Variants in AK5 observed in about 807,000 individuals in gnomAD.
The protein encoded by AK5 is adenylate kinase isoenzyme 5.
Under a neutral mutation model 69.5 loss-of-function variants are expected in AK5, and 27 were observed. That is an observed-to-expected ratio of 0.39 (90% CI 0.29 to 0.54). AK5 has a LOEUF of 0.54. Among genes scored for constraint, AK5 ranks in the 20% least tolerant of loss-of-function variants. AK5 has a pLI of 0.71. For missense variants in AK5, 531 were observed against 700.4 expected, an observed-to-expected ratio of 0.76 and a Z score of 2.73; for synonymous variants, 260 against 244.4, an observed-to-expected ratio of 1.06 and a Z score of -0.60.
intron 5 of AK5, among the ~76,000 whole-genome samples, chr1:77,300,630 C>T (rs1029034632): frequency 1.3e-5 from 2 of 152,196 alleles, no homozygotes; most frequent in African/African-American, 4.8e-5. Context: ...AATTCTCCAA[C>T]ACCAACTGGG....
Position 77,486,421 on chromosome 1 carries a change from T to C in AK5, c.1147+69T>C, listed in dbSNP as rs879675527. Reference sequence around the variant, plus strand: ...AATAAGAATTTGGTAGTGGGCCAGGTGCGGTGGCTTACACCTGTAATCCCA... The same window carrying C: ...AATAAGAATTTGGTAGTGGGCCAGGCGCGGTGGCTTACACCTGTAATCCCA... On this transcript the variant is annotated intron_variant, in intron 10 of 13. Coordinates refer to ENST00000354567, the MANE Select transcript of AK5 (RefSeq NM_174858.3). 4.9e-5 allele frequency: 59 copies of C among 1,214,718 alleles called. 1 individual carries two copies. Among genetic ancestry groups the C allele is most frequent in the South Asian group, 1.4e-4 (11 of 78,436 alleles). The allele number at this position is 1,214,718 out of a possible 1,614,324, so 75.2% of individuals were successfully genotyped here.
intron 13 of AK5, among the ~76,000 whole-genome samples, chr1:77,551,193 A>G (rs2100396168): frequency 6.6e-6 from 1 of 151,330 alleles, no homozygotes; most frequent in South Asian, 2.1e-4. Context: ...AAAACAAAAC[A>G]AAAATGCATT....
At chr1:77,461,726 C>T (rs948009752) in intron 8 of AK5, among the ~76,000 whole-genome samples, 21 of 150,698 alleles carry the variant, frequency 1.4e-4, no homozygotes, top group Admixed American at 5.9e-4. Flanking sequence ...GCAGAGATCG[C>T]GCCATTCCAC....
chr1:77,293,653 G>C, intron 2 of AK5, 140 bp from the exon 3 acceptor site: 1 of 685,824 alleles, frequency 1.5e-6, no homozygotes, highest in Non-Finnish European at 2.4e-6. Context: ...AAAGCCTGCT[G>C]ACCACTTAGG....
chr1:77,305,514 A>G (rs766570393), intron 5 of AK5, among the ~76,000 whole-genome samples: 15 of 152,270 alleles, frequency 9.9e-5, no homozygotes, highest in Admixed American at 1.3e-4. Flanking sequence ...ATTTTTGTAT[A>G]TGGTGAGAGA....
intron 8 of AK5, among the ~76,000 whole-genome samples, chr1:77,453,189 G>T (rs2100660688): frequency 6.6e-6 from 1 of 152,284 alleles, no homozygotes; most frequent in Middle Eastern, 3.4e-3. Context: ...TATTTCTGCT[G>T]CATGTGTAGG....
intron 8 of AK5, among the ~76,000 whole-genome samples, chr1:77,453,706 A>C (rs1653301085): frequency 6.6e-6 from 1 of 152,220 alleles, no homozygotes; most frequent in African/African-American, 2.4e-5. Context: ...GGTGAATGGG[A>C]AGTTGGGAAA....
intron 8 of AK5, among the ~76,000 whole-genome samples, chr1:77,457,317 G>C (rs891725667): frequency 6.6e-6 from 1 of 152,146 alleles, no homozygotes; most frequent in African/African-American, 2.4e-5. Context: ...ACATTTTACA[G>C]TTGGTTTTTA....
chr1:77,427,146 A>C (rs1029651087), intron 8 of AK5, among the ~76,000 whole-genome samples: 1 of 152,004 alleles, frequency 6.6e-6, no homozygotes, highest in African/African-American at 2.4e-5. Flanking sequence ...AAAAACTAAT[A>C]AAAATTAAAG....
intron 6 of AK5, among the ~76,000 whole-genome samples, chr1:77,343,469 C>T (rs984938339): frequency 6.6e-6 from 1 of 152,174 alleles, no homozygotes; most frequent in African/African-American, 2.4e-5. Flanking sequence ...TGTTACCTAC[C>T]TCATAATATT....
intron 7 of AK5, among the ~76,000 whole-genome samples, chr1:77,412,723 T>C (rs1417459711): frequency 1.3e-5 from 2 of 152,032 alleles, no homozygotes; most frequent in Non-Finnish European, 2.9e-5. Context: ...CCCGCCACTG[T>C]TTTTTTCTCT....
chr1:77,428,697 C>T (rs563393512), intron 8 of AK5, among the ~76,000 whole-genome samples: 47 of 152,128 alleles, frequency 3.1e-4, no homozygotes, highest in South Asian at 2.9e-3. Context: ...TGGTGTACTG[C>T]GCCCAGTAAC....
intron 6 of AK5, among the ~76,000 whole-genome samples, chr1:77,352,832 A>G (rs1053252445): frequency 2.6e-5 from 4 of 152,162 alleles, no homozygotes; most frequent in African/African-American, 9.7e-5. Flanking sequence ...ATCTTGCTGG[A>G]AAGTCCTTAG....
chr1:77,286,370 C>G (rs1409159217), intron 1 of AK5, among the ~76,000 whole-genome samples: 1 of 149,084 alleles, frequency 6.7e-6, no homozygotes. Flanking sequence ...TTTAAACTAT[C>G]TAGTTGCCTG....
intron 8 of AK5, among the ~76,000 whole-genome samples, chr1:77,475,439 ATATATTATATATATACAAATATATAT>A (rs1654850298): frequency 9.4e-5 from 2 of 21,324 alleles, no homozygotes; most frequent in South Asian, 2.5e-3. Flanking sequence ...ATATATGTAT[ATATATTATATATATACAAATATATAT>A]TATATATGTA....
At chr1:77,383,127 C>T (rs1270857715) in intron 6 of AK5, among the ~76,000 whole-genome samples, 2 of 152,060 alleles carry the variant, frequency 1.3e-5, no homozygotes, top group Admixed American at 6.5e-5. Context: ...GAATAGATTG[C>T]TTTAAAAGAC....
At chr1:77,537,822 T>C (rs1659052766) in intron 13 of AK5, among the ~76,000 whole-genome samples, 1 of 152,200 alleles carries the variant, frequency 6.6e-6, no homozygotes, top group East Asian at 1.9e-4. Flanking sequence ...GAGTGTCAAA[T>C]ATGTGGCATG....
intron 5 of AK5, among the ~76,000 whole-genome samples, chr1:77,301,709 G>T (rs1294987957): frequency 6.6e-6 from 1 of 152,160 alleles, no homozygotes. Flanking sequence ...TGAACTTCAT[G>T]TTATCTTCCT....
chr1:77,457,213 A>G (rs1653545726), intron 8 of AK5, among the ~76,000 whole-genome samples: 1 of 152,158 alleles, frequency 6.6e-6, no homozygotes, highest in Admixed American at 6.5e-5. Context: ...GAAGTATCCC[A>G]CTGATGTACC....
Sources: gnomAD v4.1 joint callset for allele counts (sites outside exome capture counted in the v4.1 genomes callset) on GRCh38, gnomAD v4.1.1 for gene constraint, MANE v1.5 for transcripts, NCBI Gene and HGNC (gene_info 2026-07-23, HGNC 2026-07-21) for gene names.